NOS1AP: variants seen among roughly 807,000 people sequenced by gnomAD.
The protein encoded by NOS1AP is carboxyl-terminal PDZ ligand of neuronal nitric oxide synthase protein.
A neutral mutation model predicts 56.2 loss-of-function variants in NOS1AP; 21 were observed. The observed-to-expected ratio is 0.37, with a 90% CI of 0.26 to 0.54. The LOEUF is 0.54. Ranked by LOEUF, NOS1AP falls within the 20% of genes least tolerant of loss-of-function variation. The pLI is 0.84. For synonymous variants in NOS1AP, 270 were observed against 274.6 expected, an observed-to-expected ratio of 0.98 and a Z score of 0.17; for missense variants, 522 against 657.8, an observed-to-expected ratio of 0.79 and a Z score of 2.26.
intron 2 of NOS1AP, among the ~76,000 whole-genome samples, chr1:162,231,405 T>G (rs1369822074): frequency 1.3e-5 from 2 of 152,222 alleles, no homozygotes; most frequent in Non-Finnish European, 2.9e-5. Context: ...ATACATGATT[T>G]GGAAACATTT....
intron 4 of NOS1AP, among the ~76,000 whole-genome samples, chr1:162,316,096 A>T (rs1470912601): frequency 1.3e-5 from 2 of 152,178 alleles, no homozygotes; most frequent in African/African-American, 4.8e-5. Flanking sequence ...TTCGGGACTG[A>T]GTGGATGAAT....
In NOS1AP at chr1:162,117,218, G is replaced by A. The variant is rs151115055; in HGVS notation, c.106-37187G>A. ...GCATTTTGTTCTGTTTGCATAGGCTGTCTCTCCAGATATTGCAGGTTTCCA... is the reference window on the plus strand; with the variant it reads ...GCATTTTGTTCTGTTTGCATAGGCTATCTCTCCAGATATTGCAGGTTTCCA... On this transcript the variant is annotated intron_variant, in intron 1 of 9. Coordinates refer to ENST00000361897, the MANE Select transcript of NOS1AP (RefSeq NM_014697.3). Among the ~76,000 whole-genome samples, 561 of 152,286 alleles carry A rather than the reference G, an allele frequency of 3.7e-3. 7 individuals are homozygous for A. The highest frequency in any genetic ancestry group is 0.013 in the African/African-American group (527 of 41,548).
chr1:162,366,753 G>A (rs1342151106), intron 9 of NOS1AP, among the ~76,000 whole-genome samples: 1 of 152,088 alleles, frequency 6.6e-6, no homozygotes, highest in Non-Finnish European at 1.5e-5. Flanking sequence ...CTCTCAATTG[G>A]TACCTTTTTC....
intron 1 of NOS1AP, among the ~76,000 whole-genome samples, chr1:162,139,533 G>A (rs933915166): frequency 1.3e-5 from 2 of 152,176 alleles, no homozygotes; most frequent in African/African-American, 2.4e-5. Context: ...GATATATGGA[G>A]GGAGTGTTGA....
intron 8 of NOS1AP, chr1:162,360,587 C>T: frequency 2.8e-6 from 1 of 350,930 alleles, no homozygotes; most frequent in Non-Finnish European, 5.6e-6. Context: ...CCTGCTGCCA[C>T]TTCTGTTTGT....
At chr1:162,224,636 T>C (rs1289413445) in intron 2 of NOS1AP, among the ~76,000 whole-genome samples, 1 of 152,030 alleles carries the variant, frequency 6.6e-6, no homozygotes, top group Non-Finnish European at 1.5e-5. Flanking sequence ...AAACATGAAA[T>C]AAAAGTGAAA....
chr1:162,226,877 T>C (rs1339351125), intron 2 of NOS1AP, among the ~76,000 whole-genome samples: 6 of 152,082 alleles, frequency 3.9e-5, no homozygotes. Context: ...TGACAGGCCT[T>C]GGACTCTGTT....
chr1:162,365,385 C>T lies in NOS1AP; in HGVS notation c.940-19C>T, dbSNP rs370417415. 1.7e-5 allele frequency: 27 copies of T among 1,613,954 alleles called. No homozygotes were observed. The highest frequency in any genetic ancestry group is 6.7e-5 in the East Asian group (3 of 44,900). On this transcript the variant is annotated intron_variant, in intron 8 of 9. Coordinates refer to ENST00000361897, the MANE Select transcript of NOS1AP (RefSeq NM_014697.3). ...CTTCTCTCTGTCCTGTCTTCTCTGCCGCTGCCTCTTCTCTGCAGGTACACT... is the reference window on the plus strand; with the variant it reads ...CTTCTCTCTGTCCTGTCTTCTCTGCTGCTGCCTCTTCTCTGCAGGTACACT...
intron 1 of NOS1AP, among the ~76,000 whole-genome samples, chr1:162,143,067 G>A (rs940137476): frequency 4.5e-5 from 3 of 66,318 alleles, no homozygotes; most frequent in Non-Finnish European, 9.4e-5. Flanking sequence ...TTGCTCAGTC[G>A]GAGGCAAATG....
intron 2 of NOS1AP, among the ~76,000 whole-genome samples, chr1:162,273,356 A>G (rs970552834): frequency 1.3e-5 from 2 of 151,948 alleles, no homozygotes; most frequent in Non-Finnish European, 2.9e-5. Context: ...TAGTAGAGAC[A>G]GGGTTTCACT....
intron 2 of NOS1AP, among the ~76,000 whole-genome samples, chr1:162,219,664 CCAGGGTTCTAGGGAGAA>C (rs1652704760): frequency 6.6e-6 from 1 of 152,206 alleles, no homozygotes; most frequent in Non-Finnish European, 1.5e-5. Context: ...GTTGCCCCCA[CCAGGGTTCTAGGGAGAA>C]CAGCCCTGAA....
chr1:162,330,120 A>C (rs1322907917), intron 4 of NOS1AP, among the ~76,000 whole-genome samples: 1 of 152,232 alleles, frequency 6.6e-6, no homozygotes, highest in Non-Finnish European at 1.5e-5. Context: ...TCCAGTTCTC[A>C]GTCCTTAGGG....
intron 2 of NOS1AP, among the ~76,000 whole-genome samples, chr1:162,266,151 A>G (rs1485332494): frequency 6.6e-6 from 1 of 152,148 alleles, no homozygotes; most frequent in Non-Finnish European, 1.5e-5. Context: ...AAACGAAGTT[A>G]TTCTGGGTGG....
chr1:162,216,009 G>A (rs1033179871), intron 2 of NOS1AP, among the ~76,000 whole-genome samples: 3 of 152,138 alleles, frequency 2.0e-5, no homozygotes, highest in Non-Finnish European at 2.9e-5. Context: ...GTGTTCACCC[G>A]TTTGTGGGAT....
At chr1:162,148,324 G>A (rs1649568539) in intron 1 of NOS1AP, among the ~76,000 whole-genome samples, 1 of 152,190 alleles carries the variant, frequency 6.6e-6, no homozygotes, top group Non-Finnish European at 1.5e-5. Context: ...GGGAGGCACG[G>A]TCAGCTAGTG....
intron 1 of NOS1AP, among the ~76,000 whole-genome samples, chr1:162,148,473 C>T (rs1324187213): frequency 1.3e-5 from 2 of 152,126 alleles, no homozygotes; most frequent in African/African-American, 2.4e-5. Flanking sequence ...TACAGGATCA[C>T]GAATGTTGGA....
chr1:162,298,458 C>T (rs1385252203), intron 3 of NOS1AP, among the ~76,000 whole-genome samples: 1 of 152,236 alleles, frequency 6.6e-6, no homozygotes. Context: ...GGACCTAGAA[C>T]TCCCACCCAC....
chr1:162,079,174 A>G (rs1012321923), intron 1 of NOS1AP, among the ~76,000 whole-genome samples: 1 of 151,744 alleles, frequency 6.6e-6, no homozygotes, highest in Non-Finnish European at 1.5e-5. Flanking sequence ...TCTTTCTGAT[A>G]CCCCCAATCT....
intron 1 of NOS1AP, among the ~76,000 whole-genome samples, chr1:162,098,744 A>G (rs1692307094): frequency 6.6e-6 from 1 of 152,034 alleles, no homozygotes; most frequent in Admixed American, 6.5e-5. Context: ...GCTCTCACTT[A>G]TAAGTGCGAA....
Sources: gnomAD v4.1 joint callset for allele counts (sites outside exome capture counted in the v4.1 genomes callset) on GRCh38, gnomAD v4.1.1 for gene constraint, MANE v1.5 for transcripts, NCBI Gene and HGNC (gene_info 2026-07-23, HGNC 2026-07-21) for gene names.